Variants in TTC39C observed in about 807,000 individuals in gnomAD.
The protein encoded by TTC39C is tetratricopeptide repeat domain 39C.
A neutral mutation model predicts 76.3 loss-of-function variants in TTC39C; 33 were observed. That is an observed-to-expected ratio of 0.43 (90% CI 0.33 to 0.58). TTC39C has a LOEUF of 0.58. TTC39C is among the 20% of genes least tolerant of loss of function. TTC39C has a pLI of 0.04. For missense variants in TTC39C, 595 were observed against 701.4 expected (o/e 0.85, Z 1.71); for synonymous variants, 254 against 260.6 (o/e 0.97, Z 0.24).
intron 1 of TTC39C, among the ~76,000 whole-genome samples, chr18:24,016,952 G>A (rs898699382): frequency 6.6e-6 from 1 of 152,136 alleles, no homozygotes; most frequent in Non-Finnish European, 1.5e-5. Context: ...GTTTTGTAAC[G>A]AGGGACATGA....
intron 1 of TTC39C, among the ~76,000 whole-genome samples, chr18:23,994,917 T>A (rs992926276): frequency 7.3e-5 from 11 of 151,520 alleles, no homozygotes; most frequent in African/African-American, 1.9e-4. Context: ...AAAAAAATAA[T>A]AATAATTATA....
At chr18:24,050,624 C>A (rs1490383872) in intron 1 of TTC39C, among the ~76,000 whole-genome samples, 2 of 150,506 alleles carry the variant, frequency 1.3e-5, no homozygotes, top group Non-Finnish European at 2.9e-5. Flanking sequence ...GTAATCCCAG[C>A]CCTTTGGGAG....
chr18:24,025,377 A>G (rs2083587101), intron 1 of TTC39C, among the ~76,000 whole-genome samples: 3 of 152,222 alleles, frequency 2.0e-5, no homozygotes, highest in Admixed American at 2.0e-4. Context: ...TGATATACAA[A>G]TGCAAACTGG....
chr18:24,004,248 G>A (rs552098975), intron 1 of TTC39C, among the ~76,000 whole-genome samples: 1 of 152,316 alleles, frequency 6.6e-6, no homozygotes, highest in South Asian at 2.1e-4. Context: ...GAAGAAATGA[G>A]TCCCTGTGGC....
intron 6 of TTC39C, among the ~76,000 whole-genome samples, chr18:24,112,983 G>T (rs892607919): frequency 6.6e-6 from 1 of 151,818 alleles, no homozygotes; most frequent in African/African-American, 2.4e-5. Context: ...TTGGTGTTTT[G>T]TGTTTGAGCT....
At chr18:24,022,583 AT>A (rs1329718021) in intron 1 of TTC39C, 1 of 985,288 alleles carries the variant, frequency 1.0e-6, no homozygotes. Flanking sequence ...TGTCAAAGCC[AT>A]TTTGGGGCAA....
chr18:24,015,471 G>A lies in TTC39C; in HGVS notation c.167+433G>A, dbSNP rs575959355. On this transcript the variant is annotated intron_variant, in intron 1 of 13. Transcript: ENST00000317571. Reference sequence around the variant, plus strand: ...GCCCCGGCAGCCTTTGTGACACGGAGCCCTCCGGCTGCCTGCTCCTCGCGC... The same window carrying A: ...GCCCCGGCAGCCTTTGTGACACGGAACCCTCCGGCTGCCTGCTCCTCGCGC... 2.0e-4 allele frequency: 33 copies of A among 162,770 alleles called. No homozygotes were observed. In the South Asian group the frequency reaches 6.2e-3, roughly 31 times the overall value. 10.1% of individuals were successfully genotyped at this position (162,770 alleles called of 1,614,324 possible).
At chr18:24,045,910 TATATATATATATATA>T (rs1180835789) in intron 1 of TTC39C, among the ~76,000 whole-genome samples, 1,048 of 35,264 alleles carry the variant, frequency 0.03, 42 homozygotes, top group East Asian at 0.072. Flanking sequence ...TATATATATA[TATATATATATATATA>T]TATTTTTTTT....
At chr18:24,099,742 T>C (rs1444294546) in intron 6 of TTC39C, among the ~76,000 whole-genome samples, 1 of 152,068 alleles carries the variant, frequency 6.6e-6, no homozygotes, top group Non-Finnish European at 1.5e-5. Context: ...AAGGAGTTCT[T>C]ATGTAACTTA....
At chr18:24,077,833 ATCTT>A (rs1252572546) in intron 4 of TTC39C, among the ~76,000 whole-genome samples, 3 of 152,116 alleles carry the variant, frequency 2.0e-5, no homozygotes, top group Non-Finnish European at 4.4e-5. Flanking sequence ...ACTGAGCATC[ATCTT>A]TCTTGTTTGT....
At chr18:24,067,024 C>G (rs1043888136) in intron 3 of TTC39C, among the ~76,000 whole-genome samples, 3 of 152,132 alleles carry the variant, frequency 2.0e-5, no homozygotes, top group South Asian at 2.1e-4. Flanking sequence ...ATGCTAAAAT[C>G]TAGAAAAAAG....
At chr18:24,021,339 TGTAAC>T (rs2083515241) in intron 1 of TTC39C, among the ~76,000 whole-genome samples, 1 of 152,196 alleles carries the variant, frequency 6.6e-6, no homozygotes, top group South Asian at 2.1e-4. Flanking sequence ...CTGCTCATTC[TGTAAC>T]GTGGGTCCGT....
intron 1 of TTC39C, among the ~76,000 whole-genome samples, chr18:24,021,777 A>C (rs1300265278): frequency 6.6e-6 from 1 of 152,294 alleles, no homozygotes; most frequent in Non-Finnish European, 1.5e-5. Flanking sequence ...CACAAGAAAT[A>C]TGCCTACATA....
chr18:24,057,107 TTATC>T (rs67545526), intron 1 of TTC39C, among the ~76,000 whole-genome samples: 140,992 of 151,876 alleles, frequency 0.93, 66,138 homozygotes, highest in Non-Finnish European at 1. Flanking sequence ...CAGTCTTGCT[TTATC>T]TATCTTCTGT....
chr18:24,051,427 C>T (rs140760606), intron 1 of TTC39C, among the ~76,000 whole-genome samples: 2 of 152,308 alleles, frequency 1.3e-5, no homozygotes, highest in East Asian at 3.9e-4. Context: ...GGACAGGTAC[C>T]CCTCCAGGCC....
intron 12 of TTC39C, among the ~76,000 whole-genome samples, chr18:24,131,062 A>G (rs1423056225): frequency 1.4e-5 from 2 of 146,816 alleles, no homozygotes; most frequent in Non-Finnish European, 3.0e-5. Flanking sequence ...AAAAAATCAA[A>G]AAACATAGTC....
intron 1 of TTC39C, among the ~76,000 whole-genome samples, chr18:24,058,083 C>G (rs1214346691): frequency 6.6e-6 from 1 of 152,152 alleles, no homozygotes; most frequent in Non-Finnish European, 1.5e-5. Flanking sequence ...TACTCCATGT[C>G]CTCACTTATA....
At chr18:24,104,721 T>TGTGTGTGA (rs1352635739) in intron 6 of TTC39C, among the ~76,000 whole-genome samples, 8 of 150,504 alleles carry the variant, frequency 5.3e-5, no homozygotes, top group South Asian at 2.1e-4. Flanking sequence ...TGTGTGTGTG[T>TGTGTGTGA]GACTGTGCAT....
chr18:23,998,817 C>A (rs2083290038), intron 1 of TTC39C, among the ~76,000 whole-genome samples: 1 of 13,690 alleles, frequency 7.3e-5, no homozygotes, highest in Non-Finnish European at 3.2e-4. Flanking sequence ...GCTGGTGGAG[C>A]TCTCTGGAGC....
Sources: gnomAD v4.1 joint callset for allele counts (sites outside exome capture counted in the v4.1 genomes callset) on GRCh38, gnomAD v4.1.1 for gene constraint, MANE v1.5 for transcripts, NCBI Gene and HGNC (gene_info 2026-07-23, HGNC 2026-07-21) for gene names.